The following ACSL6 variants were observed in gnomAD, a reference collection of about 807,000 sequenced individuals.
ACSL6 encodes long-chain-fatty-acid--CoA ligase 6.
Under a neutral mutation model 98.2 loss-of-function variants are expected in ACSL6, and 47 were observed. That is an observed-to-expected ratio of 0.48 (90% CI 0.38 to 0.61). The LOEUF is 0.61. Ranked by LOEUF, ACSL6 falls within the 20% of genes least tolerant of loss-of-function variation. The pLI is 0.00. For missense variants in ACSL6, 761 were observed against 913.4 expected (o/e 0.83, Z 2.15); for synonymous variants, 362 against 336.9 (o/e 1.07, Z -0.82).
chr5:131,991,532 A>C (rs1482756780), intron 2 of ACSL6, among the ~76,000 whole-genome samples: 2 of 152,198 alleles, frequency 1.3e-5, no homozygotes, highest in African/African-American at 2.4e-5. Context: ...GGGAGGGAGG[A>C]CAGGCTGAAT....
intron 11 of ACSL6, chr5:131,974,621 C>G: frequency 1.0e-6 from 1 of 980,588 alleles, no homozygotes; most frequent in Non-Finnish European, 1.5e-6. Context: ...CTAAAGTCCT[C>G]TGAGCCCTCT....
At chr5:131,956,501 C>T (rs188287860) in intron 20 of ACSL6, among the ~76,000 whole-genome samples, 5 of 152,168 alleles carry the variant, frequency 3.3e-5, no homozygotes, top group Non-Finnish European at 7.4e-5. Context: ...GTGAGCAGGT[C>T]GGAGCGGCAC....
Position 131,960,604 on chromosome 5 carries a change from A to T in ACSL6, c.1875T>A (p.Ile625=). 3 of 1,614,066 alleles carry T rather than the reference A, an allele frequency of 1.9e-6. No individual in the cohort carries two copies. The highest frequency in any genetic ancestry group is 2.5e-6 in the Non-Finnish European group (3 of 1,179,990). The stretch of plus-strand genomic sequence containing the variant: ...GCATAACTTCAGGGTCAGGCACAAC[A>T]ATGCCTACCAAAAAGGCCTGCAGTG... ...GDSLKAFLVG[I]VVPDPEVMPS... is the part of the protein sequence containing the mutation. The change falls in exon 19 of 21, where the codon ATT becomes ATA. Residue 625 remains isoleucine (I), a synonymous_variant. Coordinates refer to ENST00000651883, the MANE Select transcript of ACSL6 (RefSeq NM_001009185.3).
intron 19 of ACSL6, 146 bp downstream of exon 19, chr5:131,960,374 G>T: frequency 1.8e-6 from 1 of 545,946 alleles, no homozygotes; most frequent in East Asian, 3.2e-5. Flanking sequence ...ACAAATCTCT[G>T]GTTTAGAATC....
At position 131,973,489 on chromosome 5, in the gene ACSL6, G is replaced by A. The variant is rs182943379; in HGVS notation, c.1069-89C>T. The A allele has an allele frequency of 3.2e-4, 441 of 1,386,340 alleles. 5 individuals carry two copies. In the East Asian group the frequency reaches 7.7e-3, roughly 24 times the overall value. The allele number at this position is 1,386,340 out of a possible 1,614,324, so 85.9% of individuals were successfully genotyped here. A position where few individuals can be genotyped will look rare whatever the true frequency, so the allele number is the denominator to read the frequency against. On this transcript the variant is annotated intron_variant, in intron 11 of 20. Transcript: ENST00000651883. ...GCTGTCCAAAGTGCTGCCCTACATGGAGGGCACCCATGACCCCCTGACCCA... is the reference window on the plus strand; with the variant it reads ...GCTGTCCAAAGTGCTGCCCTACATGAAGGGCACCCATGACCCCCTGACCCA...
intron 9 of ACSL6, among the ~76,000 whole-genome samples, chr5:131,978,421 C>T (rs1328465059): frequency 1.3e-5 from 2 of 152,116 alleles, no homozygotes; most frequent in East Asian, 3.9e-4. Flanking sequence ...ATTCTCCTAC[C>T]CCACTTCAAA....
rs74542307 is a variant in ACSL6, at chr5:131,993,996, A to G, written c.270+35T>C. ...CCAAGATGCCTGTCCTCTGCCCCCT[A>G]CTTTCCGCAGTGGAACGTCTCCTAT... On this transcript the variant is annotated intron_variant, in intron 2 of 20. Coordinates refer to ENST00000651883, the MANE Select transcript of ACSL6 (RefSeq NM_001009185.3). 1,384 of 1,602,094 alleles carry G rather than the reference A, an allele frequency of 8.6e-4. 14 individuals are homozygous for G. In the African/African-American group the frequency reaches 0.016, roughly 19 times the overall value.
intron 9 of ACSL6, 145 bp from the exon 10 acceptor site, chr5:131,976,866 C>T (rs2126842209): frequency 1.5e-6 from 1 of 683,136 alleles, no homozygotes; most frequent in African/African-American, 1.8e-5. Flanking sequence ...GACTTACAGG[C>T]AGATGAATGC....
chr5:131,962,731 C>A lies in ACSL6; in HGVS notation c.1714-53G>T, dbSNP rs1752777967. 3 of 1,599,678 alleles carry A rather than the reference C, an allele frequency of 1.9e-6. 1 individual carries two copies. The highest frequency in any genetic ancestry group is 2.3e-5 in the South Asian group (2 of 88,450). ...AGAACATGGCACTCTCAAGCCTGAA[C>A]CTTTGCTCCTCAGTGCCGTAACTCC... On this transcript the variant is annotated intron_variant, in intron 17 of 20. Coordinates refer to ENST00000651883, the MANE Select transcript of ACSL6 (RefSeq NM_001009185.3).
intron 15 of ACSL6, among the ~76,000 whole-genome samples, chr5:131,968,525 G>T (rs1753140779): frequency 6.6e-6 from 1 of 152,184 alleles, no homozygotes; most frequent in Non-Finnish European, 1.5e-5. Flanking sequence ...TTGGAATGGG[G>T]CCTGAGATTC....
chr5:131,980,699 TTCATATGACTCCAGAC>T (rs1753844125), intron 9 of ACSL6, among the ~76,000 whole-genome samples: 1 of 152,090 alleles, frequency 6.6e-6, no homozygotes, highest in Non-Finnish European at 1.5e-5. Flanking sequence ...TTGAGACACT[TTCATATGACTCCAGAC>T]CTGTGGCCCT....
chr5:131,990,272 A>C, intron 3 of ACSL6, 108 bp from the exon 4 acceptor site: 1 of 1,126,144 alleles, frequency 8.9e-7, no homozygotes, highest in Non-Finnish European at 1.3e-6. Flanking sequence ...TAGTGTGTCC[A>C]TGGGCCAAGT....
rs772003187 is a variant in ACSL6 at position 131,974,957 on chromosome 5, G to C, written c.1004C>G (p.Pro335Arg). ...FLKVTEKVIF[P>R]RQDDVLISFL... ...GGAGATGAGCACATCGTCCTGTCTC[G>C]GAAAGATCACTTTCTGCAGGCGACG... Residue 335 changes from proline (P) to arginine (R), a missense_variant, in exon 11 of 21, where the codon CCG becomes CGG. By Grantham distance (103) the Pro-to-Arg change is moderately radical. Transcript: ENST00000651883. 1.2e-6 allele frequency: 2 copies of C among 1,613,878 alleles called. No individual in the cohort carries two copies. Among genetic ancestry groups the C allele is most frequent in the East Asian group, 4.5e-5 (2 of 44,868 alleles).
At chr5:131,981,403 G>C (rs1193737125) in intron 9 of ACSL6, among the ~76,000 whole-genome samples, 2 of 148,456 alleles carry the variant, frequency 1.3e-5, no homozygotes, top group Admixed American at 1.3e-4. Flanking sequence ...TAAGTGTAAA[G>C]CTCAATGGAG....
Position 131,987,002 on chromosome 5 carries a change from A to G in ACSL6, c.832-148T>C, listed in dbSNP as rs201518048. 8 of 763,684 alleles carry G rather than the reference A, an allele frequency of 1.0e-5. No individual in the cohort carries two copies. In the East Asian group the frequency reaches 2.2e-4, roughly 21 times the overall value. 47.3% of individuals were successfully genotyped at this position (763,684 alleles called of 1,614,324 possible). On this transcript the variant is annotated intron_variant, in intron 7 of 20. Transcript: ENST00000651883. ...ACACTCACACACACACACACACACC[A>G]CACACAAAATCAGAATAAACAGCTC...
At chr5:131,963,434 C>G (rs547540797) in intron 17 of ACSL6, among the ~76,000 whole-genome samples, 25 of 152,344 alleles carry the variant, frequency 1.6e-4, no homozygotes, top group African/African-American at 6.0e-4. Flanking sequence ...ACTCCCAAGT[C>G]AGTTCAAGCT....
chr5:132,000,646 C>T (rs1435188713), intron 1 of ACSL6, among the ~76,000 whole-genome samples: 1 of 152,148 alleles, frequency 6.6e-6, no homozygotes, highest in Non-Finnish European at 1.5e-5. Context: ...CAGCTAGACT[C>T]ATGGTGGCAC....
intron 6 of ACSL6, chr5:131,988,475 C>A: frequency 6.5e-7 from 1 of 1,546,282 alleles, no homozygotes; most frequent in Non-Finnish European, 8.9e-7. Flanking sequence ...CAGGCTCTGC[C>A]CCCATCATCC....
Position 131,988,876 on chromosome 5 carries a change from G to A in ACSL6, c.581C>T (p.Thr194Ile), listed in dbSNP as rs765103893. 6.2e-7 allele frequency: 1 copy of A among 1,613,902 alleles called. No individual in the cohort carries two copies. The highest frequency in any genetic ancestry group is 8.5e-7 in the Non-Finnish European group (1 of 1,179,972). Residue 194 changes from threonine to isoleucine, a missense_variant, in exon 6 of 21, where the codon ACA becomes ATA. By Grantham distance (89) the Thr-to-Ile change is moderately conservative. Coordinates refer to ENST00000651883, the MANE Select transcript of ACSL6 (RefSeq NM_001009185.3). ...GAGCGGGACCACCACCATGGAATATGTGTAGCAGGCCAGCTCCACAATGAT... is the reference window on the plus strand; with the variant it reads ...GAGCGGGACCACCACCATGGAATATATGTAGCAGGCCAGCTCCACAATGAT... Reference protein sequence around the residue: ...EWIIVELACYTYSMVVVPLYD... With the variant: ...EWIIVELACYIYSMVVVPLYD...
Sources: allele counts gnomAD v4.1 joint callset (sites outside exome capture counted in the v4.1 genomes callset), GRCh38; gene constraint gnomAD v4.1.1; transcripts MANE v1.5; gene names NCBI Gene and HGNC (gene_info 2026-07-23, HGNC 2026-07-21).